The following PPP1R26 variants were observed in gnomAD, a reference collection of about 807,000 sequenced individuals.
The protein encoded by PPP1R26 is 1A6/DRIM (down-regulated in metastasis) interacting protein.
A neutral mutation model predicts 67.6 loss-of-function variants in PPP1R26; 22 were observed. The observed-to-expected ratio is 0.33, with a 90% CI of 0.23 to 0.46. The LOEUF (loss-of-function observed/expected upper bound fraction) is 0.46. PPP1R26 is among the 20% of genes least tolerant of loss of function. The probability of loss-of-function intolerance (pLI) is 1.00; values close to 1 mark genes in which losing one functional copy is unlikely to be tolerated. For missense variants in PPP1R26, 1,602 were observed against 1,651.4 expected, an observed-to-expected ratio of 0.97 and a Z score of 0.52; for synonymous variants, 729 against 717.2, an observed-to-expected ratio of 1.02 and a Z score of -0.26.
chr9:135,482,855 G>C (rs1400838210), intron 2 of PPP1R26, 40 bp downstream of exon 2: 3 of 398,066 alleles, frequency 7.5e-6, no homozygotes, highest in Non-Finnish European at 1.3e-5. Flanking sequence ...TTCCCTTGTA[G>C]GGCACAAATT....
chr9:135,482,565 C>T, intron 1 of PPP1R26, 118 bp from the exon 2 acceptor site: 1 of 395,828 alleles, frequency 2.5e-6, no homozygotes, highest in African/African-American at 2.1e-5. Flanking sequence ...GAGTAAGTTC[C>T]TTCAAAAGTT....
upstream of PPP1R26, chr9:135,479,081 CAGCAGA>C (rs1231159254): frequency 6.6e-6 from 1 of 152,286 alleles, no homozygotes; most frequent in Non-Finnish European, 1.5e-5. The surrounding 1 kb of genome is among the most constrained non-coding windows in gnomAD (Gnocchi z 5.9). Context: ...GGTCAGTGCA[CAGCAGA>C]AGCAGAAACA....
intron 1 of PPP1R26, among the ~76,000 whole-genome samples, chr9:135,481,943 C>T (rs1042028306): frequency 6.6e-6 from 1 of 152,158 alleles, no homozygotes; most frequent in African/African-American, 2.4e-5. Flanking sequence ...CATTCTTGAA[C>T]TAGGTGATTT....
At chr9:135,482,987 C>CTTTTTTTTTTTTTTTTTTTTTTT (rs57608324) in intron 2 of PPP1R26, among the ~76,000 whole-genome samples, 172 bp downstream of exon 2, 1 of 112,060 alleles carries the variant, frequency 8.9e-6, no homozygotes, top group Non-Finnish European at 1.7e-5. Flanking sequence ...TTCTTTCTTT[C>CTTTTTTTTTTTTTTTTTTTTTTT]TTTTTTTTTT....
intron 1 of PPP1R26, among the ~76,000 whole-genome samples, chr9:135,481,735 C>T (rs1284088646): frequency 1.3e-5 from 2 of 152,058 alleles, no homozygotes; most frequent in Non-Finnish European, 2.9e-5. Context: ...TCTCCTGTCT[C>T]AGCCTCCCCA....
Position 135,487,839 on chromosome 9 carries a change from C to A in PPP1R26, c.3329C>A (p.Pro1110His). Reference sequence around the variant, plus strand: ...CTCTTCAGCCCCCACCTGGGGCTGCCTCTGCAGGGCCCCTCCTTCTCGGCC... The same window carrying A: ...CTCTTCAGCCCCCACCTGGGGCTGCATCTGCAGGGCCCCTCCTTCTCGGCC... ...AGLFSPHLGL[P>H]LQGPSFSAFR... Residue 1110 changes from proline (P) to histidine (H), a missense_variant, in exon 4 of 4, where the codon CCT becomes CAT. Coordinates refer to ENST00000356818, the MANE Select transcript of PPP1R26 (RefSeq NM_014811.5). 6.3e-7 allele frequency: 1 copy of A among 1,594,284 alleles called. No homozygotes were observed. Among genetic ancestry groups the A allele is most frequent in the East Asian group, 2.2e-5 (1 of 44,658 alleles).
In PPP1R26 at chr9:135,487,795, G is replaced by T. The variant is rs199630582; in HGVS notation, c.3285G>T (p.Trp1095Cys). The T allele has an allele frequency of 1.0e-5, 16 of 1,573,388 alleles. No homozygotes were observed. The highest frequency in any genetic ancestry group is 2.3e-5 in the East Asian group (1 of 44,364). ...TCCACTTTGGAAAGGGTGTCTCCTGGGGGGGCAGGCAGGCTGGCCTCTTCA... is the reference window on the plus strand; with the variant it reads ...TCCACTTTGGAAAGGGTGTCTCCTGTGGGGGCAGGCAGGCTGGCCTCTTCA... The part of the protein sequence containing the change: ...QLFHFGKGVS[W>C]GGRQAGLFSP... The change falls in exon 4 of 4, where the codon TGG becomes TGT. Residue 1095 changes from tryptophan to cysteine, a missense_variant. Around this residue, in one of 5 missense-constraint regions of PPP1R26, gnomAD observed 740 missense variants for 696.3 expected, o/e 1.06. Coordinates refer to ENST00000356818, the MANE Select transcript of PPP1R26 (RefSeq NM_014811.5).
chr9:135,485,816 C>G lies in PPP1R26; in HGVS notation c.1306C>G (p.Pro436Ala), dbSNP rs769557702. 1.9e-6 allele frequency: 3 copies of G among 1,613,032 alleles called. No homozygotes were observed. The highest frequency in any genetic ancestry group is 1.7e-5 in the Admixed American group (1 of 60,014). ...GCTAGTGGCCACCAAGACCATGGAC[C>G]CTGGTCCAGGGGGCCTGGACACTGA... The part of the protein sequence containing the change: ...KKLVATKTMD[P>A]GPGGLDTDHA... Residue 436 changes from proline to alanine, a missense_variant, in exon 4 of 4, where the codon CCT becomes GCT. Transcript: ENST00000356818. The surrounding 1 kb of genome is among the most constrained non-coding windows in gnomAD (Gnocchi z 7.2).
Position 135,487,297 on chromosome 9 carries a change from T to C in PPP1R26, c.2787T>C (p.Ala929=), listed in dbSNP as rs560447989. ...LFSQGGKGLP[A]APARGDPVPP... Reference sequence around the variant, plus strand: ...GCCAGGGCGGGAAGGGGCTCCCTGCTGCTCCTGCCCGAGGGGATCCGGTGC... The same window carrying C: ...GCCAGGGCGGGAAGGGGCTCCCTGCCGCTCCTGCCCGAGGGGATCCGGTGC... The change falls in exon 4 of 4, where the codon GCT becomes GCC. Residue 929 remains alanine (A), a synonymous_variant. Coordinates refer to ENST00000356818, the MANE Select transcript of PPP1R26 (RefSeq NM_014811.5). 1.8e-5 allele frequency: 28 copies of C among 1,555,946 alleles called. 1 individual carries two copies. The African/African-American group carries it at 3.3e-4, about 18-fold the overall frequency.
At position 135,488,172 on chromosome 9, in the gene PPP1R26, G is replaced by C; in HGVS notation, c.*32G>C. On this transcript the variant is annotated 3_prime_UTR_variant, in exon 4 of 4. Transcript: ENST00000356818. ...GAGCTGTGGGTTCGCGTCCTGGGTT[G>C]CGTGCATTCGTGGAAAGCGGCGTAG... is the stretch of plus-strand genomic sequence containing the variant. The C allele has an allele frequency of 1.3e-6, 2 of 1,489,472 alleles. No individual in the cohort carries two copies. The highest frequency in any genetic ancestry group is 2.9e-5 in the South Asian group (2 of 69,442). The allele number at this position is 1,489,472 out of a possible 1,614,324, so 92.3% of individuals were successfully genotyped here. A position where few individuals can be genotyped will look rare whatever the true frequency, so the allele number is the denominator to read the frequency against.
At chr9:135,482,098 G>A (rs1271173802) in intron 1 of PPP1R26, among the ~76,000 whole-genome samples, 1 of 152,196 alleles carries the variant, frequency 6.6e-6, no homozygotes, top group East Asian at 1.9e-4. Flanking sequence ...ACACTGACTT[G>A]GGCCGGTTTT....
Position 135,484,987 on chromosome 9 carries a change from A to G in PPP1R26, c.477A>G (p.Ala159=). Residue 159 remains alanine, a synonymous_variant, in exon 4 of 4, where the codon GCA becomes GCG. Coordinates refer to ENST00000356818, the MANE Select transcript of PPP1R26 (RefSeq NM_014811.5). ...QPGAGGAQPG[A]AQPSRAAGGG... is the part of the protein sequence containing the mutation. ...GGGCCGGCGGGGCCCAGCCAGGTGC[A>G]GCCCAGCCTTCCAGGGCCGCAGGCG... 1 of 1,582,692 alleles carries G rather than the reference A, an allele frequency of 6.3e-7. No homozygotes were observed. The highest frequency in any genetic ancestry group is 8.6e-7 in the Non-Finnish European group (1 of 1,165,728).
rs756475030 is a variant in PPP1R26 at position 135,487,572 on chromosome 9, C to A, written c.3062C>A (p.Ala1021Asp). The change falls in exon 4 of 4, where the codon GCC becomes GAC. Residue 1021 changes from alanine (A) to aspartate (D), a missense_variant. Physicochemically the swap from Ala to Asp is moderately radical, Grantham distance 126 (BLOSUM62 -2). This residue lies in a region of PPP1R26 where 740 missense variants were observed against 696.3 expected (regional missense o/e 1.06). Coordinates refer to ENST00000356818, the MANE Select transcript of PPP1R26 (RefSeq NM_014811.5). ...GCGGAGAGGGACGCTGGAGCCCAGG[C>A]CGACCGCACACCGCCCTGGAGCGAC... Reference protein sequence around the residue: ...PGAERDAGAQADRTPPWSDFA... With the variant: ...PGAERDAGAQDDRTPPWSDFA... The A allele has an allele frequency of 3.9e-6, 6 of 1,542,496 alleles. No homozygotes were observed. The African/African-American group carries it at 8.2e-5, about 21-fold the overall frequency.
rs1343194663 is a variant in PPP1R26 at position 135,486,183 on chromosome 9, G to A, written c.1673G>A (p.Cys558Tyr). 2 of 1,612,906 alleles carry A rather than the reference G, an allele frequency of 1.2e-6. No individual in the cohort carries two copies. The highest frequency in any genetic ancestry group is 3.3e-5 in the Admixed American group (2 of 60,006). ...SGSLLARGES[C>Y]PQAAQGPLLP... ...AGTTTGCTGGCCAGAGGTGAGAGCTGCCCGCAGGCTGCCCAGGGTCCACTT... is the reference window on the plus strand; with the variant it reads ...AGTTTGCTGGCCAGAGGTGAGAGCTACCCGCAGGCTGCCCAGGGTCCACTT... Residue 558 changes from cysteine (C) to tyrosine (Y), a missense_variant, in exon 4 of 4, where the codon TGC becomes TAC. Physicochemically the swap from Cys to Tyr is radical, Grantham distance 194 (BLOSUM62 -2). Transcript: ENST00000356818. The surrounding 1 kb of genome is among the most constrained non-coding windows in gnomAD (Gnocchi z 6.2).
chr9:135,484,760 G>A lies in PPP1R26; in HGVS notation c.250G>A (p.Ala84Thr), dbSNP rs771986591. The change falls in exon 4 of 4, where the codon GCT (alanine) becomes ACT (threonine). Residue 84 changes from alanine to threonine, a missense_variant. By Grantham distance (58) the Ala-to-Thr change is moderately conservative (BLOSUM62 0). Around this residue, in one of 5 missense-constraint regions of PPP1R26, gnomAD observed 168 missense variants for 176.1 expected, o/e 0.95. Transcript: ENST00000356818. ...RAEGCHDARP[A>T]AKPTVHKEPP... The stretch of plus-strand genomic sequence containing the variant: ...AGAGGGATGCCACGACGCCAGGCCG[G>A]CTGCCAAGCCCACCGTGCACAAGGA... 25 of 1,610,452 alleles carry A rather than the reference G, an allele frequency of 1.6e-5. No individual in the cohort carries two copies. Among genetic ancestry groups the A allele is most frequent in the Middle Eastern group, 1.8e-4 (1 of 5,562 alleles).
rs138988490 is a variant in PPP1R26 at position 135,484,180 on chromosome 9, G to A, written c.-63+98G>A. 1.0e-3 allele frequency: 471 copies of A among 470,422 alleles called. 2 individuals are homozygous for A. Among genetic ancestry groups the A allele is most frequent in the African/African-American group, 7.8e-3 (395 of 50,528 alleles). 29.1% of individuals were successfully genotyped at this position (470,422 alleles called of 1,614,324 possible). A position where few individuals can be genotyped will look rare whatever the true frequency, so the allele number is the denominator to read the frequency against. On this transcript the variant is annotated intron_variant, in intron 3 of 3. Coordinates refer to ENST00000356818, the MANE Select transcript of PPP1R26 (RefSeq NM_014811.5). ...GACCGTGCGTGCCCCGGGCGGCACC[G>A]TGGAGGGTGGTTGGAAACATTTTCT...
Position 135,483,870 on chromosome 9 carries a change from G to C in PPP1R26, c.-195-80G>C, listed in dbSNP as rs183521969. The C allele has an allele frequency of 6.0e-4, 238 of 397,572 alleles. 1 individual carries two copies. Among genetic ancestry groups the C allele is most frequent in the African/African-American group, 4.7e-3 (230 of 48,722 alleles). The allele number at this position is 397,572 out of a possible 1,614,324, so 24.6% of individuals were successfully genotyped here. A position where few individuals can be genotyped will look rare whatever the true frequency, so the allele number is the denominator to read the frequency against. The stretch of plus-strand genomic sequence containing the variant: ...TTACATTTGACATTTAACATAGAGA[G>C]GGTTTAGTAAAAGCAGCCCTTCAAG... On this transcript the variant is annotated intron_variant, in intron 2 of 3. Coordinates refer to ENST00000356818, the MANE Select transcript of PPP1R26 (RefSeq NM_014811.5).
At position 135,486,591 on chromosome 9, in the gene PPP1R26, A is replaced by T; in HGVS notation, c.2081A>T (p.Asp694Val). ...SSSLDSDEDL[D>V]TAIKDLLRSK... is the part of the protein sequence containing the mutation. ...TCCCTGGACAGTGACGAGGACCTGG[A>T]CACAGCCATCAAGGACTTGTTAAGG... The change falls in exon 4 of 4, where the codon GAC becomes GTC. Residue 694 changes from aspartate to valine, a missense_variant. By Grantham distance (152) the Asp-to-Val change is radical. This residue lies in a region of PPP1R26 where 7 missense variants were observed against 24.3 expected (regional missense o/e 0.29). Transcript: ENST00000356818. The surrounding 1 kb of genome is among the most constrained non-coding windows in gnomAD (Gnocchi z 6.2). 2 of 1,612,232 alleles carry T rather than the reference A, an allele frequency of 1.2e-6. No individual in the cohort carries two copies. The highest frequency in any genetic ancestry group is 1.7e-6 in the Non-Finnish European group (2 of 1,180,008).
rs1440366107 is a variant in PPP1R26 at position 135,487,780 on chromosome 9, A to C, written c.3270A>C (p.Gly1090=). 4.6e-6 allele frequency: 7 copies of C among 1,533,300 alleles called. No homozygotes were observed. Among genetic ancestry groups the C allele is most frequent in the Non-Finnish European group, 6.1e-6 (7 of 1,144,110 alleles). The allele number at this position is 1,533,300 out of a possible 1,614,324, so 95.0% of individuals were successfully genotyped here. A position where few individuals can be genotyped will look rare whatever the true frequency, so the allele number is the denominator to read the frequency against. Residue 1090 remains glycine, a synonymous_variant, in exon 4 of 4, where the codon GGA becomes GGC. Transcript: ENST00000356818. Reference sequence around the variant, plus strand: ...TGTCCACCCAGCTCTTCCACTTTGGAAAGGGTGTCTCCTGGGGGGGCAGGC... The same window carrying C: ...TGTCCACCCAGCTCTTCCACTTTGGCAAGGGTGTCTCCTGGGGGGGCAGGC... ...PLLSTQLFHF[G]KGVSWGGRQA...
Sources: allele counts gnomAD v4.1 joint callset (sites outside exome capture counted in the v4.1 genomes callset), GRCh38; gene constraint gnomAD v4.1.1; regional missense constraint gnomAD v4.1.1; non-coding constraint Gnocchi (gnomAD v3.1); transcripts MANE v1.5; gene names NCBI Gene and HGNC (gene_info 2026-07-23, HGNC 2026-07-21).